PRKCQ: variants seen among roughly 807,000 people sequenced by gnomAD.
The protein encoded by PRKCQ is protein kinase C theta type.
Under a neutral mutation model 91.2 loss-of-function variants are expected in PRKCQ, and 41 were observed. The observed-to-expected ratio is 0.45, with a 90% CI of 0.35 to 0.58. The LOEUF is 0.58. Ranked by LOEUF, PRKCQ falls within the 20% of genes least tolerant of loss-of-function variation. The pLI is 0.00. For missense variants in PRKCQ, 673 were observed against 896.5 expected, an observed-to-expected ratio of 0.75 and a Z score of 3.18; for synonymous variants, 307 against 316.9, an observed-to-expected ratio of 0.97 and a Z score of 0.33.
chr10:6,485,416 A>C, intron 9 of PRKCQ, 147 bp from the exon 10 acceptor site: 1 of 683,954 alleles, frequency 1.5e-6, no homozygotes, highest in South Asian at 1.7e-5. Context: ...TTCTTTTGGA[A>C]CCCCATATTC....
rs1045202301 is a variant in PRKCQ, at chr10:6,498,395, C to T, written c.542+1G>A. The T allele has an allele frequency of 6.2e-7, 1 of 1,613,856 alleles. No homozygotes were observed. Among genetic ancestry groups the T allele is most frequent in the Non-Finnish European group, 8.5e-7 (1 of 1,179,994 alleles). ...TGGAGGGAGATGCCAAGTTACTGTA[C>T]CAGACAAACTCGTGGCAGACAGAGC... On this transcript the variant is annotated splice_donor_variant, in intron 5 of 17. Transcript: ENST00000263125. LOFTEE classifies it high-confidence loss of function.
intron 15 of PRKCQ, among the ~76,000 whole-genome samples, chr10:6,450,684 C>A (rs1239521680): frequency 6.6e-6 from 1 of 152,154 alleles, no homozygotes; most frequent in Non-Finnish European, 1.5e-5. Flanking sequence ...AAGTAAAGCT[C>A]TCCTCAGCAA....
intron 1 of PRKCQ, among the ~76,000 whole-genome samples, chr10:6,544,823 T>C (rs897343110): frequency 1.3e-5 from 2 of 152,106 alleles, no homozygotes; most frequent in Non-Finnish European, 2.9e-5. Flanking sequence ...TGTTTCACCA[T>C]ATTGGCCAGG....
At chr10:6,438,742 C>G (rs903785527) in intron 16 of PRKCQ, among the ~76,000 whole-genome samples, 1 of 152,138 alleles carries the variant, frequency 6.6e-6, no homozygotes, top group Admixed American at 6.6e-5. Flanking sequence ...ACCATAGGCG[C>G]CAGCCACCCT....
intron 7 of PRKCQ, among the ~76,000 whole-genome samples, chr10:6,495,211 A>G (rs1480082601): frequency 1.3e-5 from 2 of 152,180 alleles, no homozygotes; most frequent in East Asian, 1.9e-4. Context: ...TTTCTACTAC[A>G]GCATCCCAAA....
chr10:6,550,401 G>A (rs906152572), intron 1 of PRKCQ, among the ~76,000 whole-genome samples: 1 of 152,010 alleles, frequency 6.6e-6, no homozygotes, highest in African/African-American at 2.4e-5. Flanking sequence ...CGCCACCTGA[G>A]TAGCTGGGAT....
At chr10:6,548,379 C>T (rs958909644) in intron 1 of PRKCQ, among the ~76,000 whole-genome samples, 70 of 151,792 alleles carry the variant, frequency 4.6e-4, no homozygotes, top group African/African-American at 1.6e-3. Context: ...CATCCCATTA[C>T]TGGGTATATA....
chr10:6,417,014 C>G, the PRKCQ span, among the ~76,000 whole-genome samples: 2 of 152,148 alleles, frequency 1.3e-5, no homozygotes, highest in Admixed American at 6.6e-5. Context: ...GATAAATTCA[C>G]CATCCTAGAC....
At chr10:6,477,640 G>A (rs891870422) in intron 12 of PRKCQ, among the ~76,000 whole-genome samples, 5 of 152,202 alleles carry the variant, frequency 3.3e-5, no homozygotes, top group African/African-American at 1.2e-4. Context: ...GGCTGAGGGG[G>A]GTGGATCACC....
chr10:6,501,884 T>C (rs1197721755), intron 4 of PRKCQ, among the ~76,000 whole-genome samples: 2 of 151,976 alleles, frequency 1.3e-5, no homozygotes, highest in African/African-American at 4.8e-5. Flanking sequence ...CTACCACTTA[T>C]ATTGGAGGCA....
intron 13 of PRKCQ, among the ~76,000 whole-genome samples, chr10:6,463,569 TAAG>T (rs1835472342): frequency 6.6e-6 from 1 of 152,194 alleles, no homozygotes; most frequent in South Asian, 2.1e-4. Context: ...CCAGGGATTT[TAAG>T]AAGCTGGCGG....
At chr10:6,520,722 G>A (rs1044997746) in intron 1 of PRKCQ, among the ~76,000 whole-genome samples, 2 of 152,130 alleles carry the variant, frequency 1.3e-5, no homozygotes, top group Admixed American at 6.5e-5. Context: ...TTCTCTGAGT[G>A]CACTGCTAGA....
At chr10:6,404,246 A>G in the PRKCQ span, among the ~76,000 whole-genome samples, 55 of 8,780 alleles carry the variant, frequency 6.3e-3, 1 homozygote, top group African/African-American at 0.012. Flanking sequence ...AAAGGGAGAG[A>G]AGGGGGGGGG....
the PRKCQ span, among the ~76,000 whole-genome samples, chr10:6,409,858 G>A: frequency 6.6e-6 from 1 of 152,146 alleles, no homozygotes; most frequent in Non-Finnish European, 1.5e-5. Flanking sequence ...AAGTCTCTGT[G>A]TTCATGCAGT....
Position 6,483,550 on chromosome 10 carries a change from A to C in PRKCQ, c.1069T>G (p.Cys357Gly). 3 of 1,614,218 alleles carry C rather than the reference A, an allele frequency of 1.9e-6. No individual in the cohort carries two copies. Among genetic ancestry groups the C allele is most frequent in the Non-Finnish European group, 2.5e-6 (3 of 1,180,026 alleles). ...ESPLDEVDKM[C>G]HLPEPELNKE... is the part of the protein sequence containing the mutation. Reference sequence around the variant, plus strand: ...TTCAGTTCAGGTTCTGGAAGATGGCACATTTTATCCACCTCATCCAACGGA... The same window carrying C: ...TTCAGTTCAGGTTCTGGAAGATGGCCCATTTTATCCACCTCATCCAACGGA... The change falls in exon 11 of 18, where the codon TGC becomes GGC. Residue 357 changes from cysteine to glycine, a missense_variant. By Grantham distance (159) the Cys-to-Gly change is radical. Coordinates refer to ENST00000263125, the MANE Select transcript of PRKCQ (RefSeq NM_006257.5).
chr10:6,396,926 C>T, the PRKCQ span, among the ~76,000 whole-genome samples: 1 of 152,218 alleles, frequency 6.6e-6, no homozygotes, highest in Non-Finnish European at 1.5e-5. Flanking sequence ...AATTTCCCCA[C>T]ATCCTTGTCA....
At chr10:6,435,520 G>T (rs1018671306) in intron 16 of PRKCQ, among the ~76,000 whole-genome samples, 5 of 152,212 alleles carry the variant, frequency 3.3e-5, no homozygotes, top group Non-Finnish European at 7.3e-5. Flanking sequence ...CCAACTGCAA[G>T]AATATGTGTA....
At chr10:6,467,798 C>G (rs1835768124) in intron 12 of PRKCQ, among the ~76,000 whole-genome samples, 1 of 152,208 alleles carries the variant, frequency 6.6e-6, no homozygotes, top group Admixed American at 6.5e-5. Flanking sequence ...CCATTACCTA[C>G]AGCTTTGTTG....
At chr10:6,471,203 G>A (rs1460004278) in intron 12 of PRKCQ, among the ~76,000 whole-genome samples, 1 of 151,852 alleles carries the variant, frequency 6.6e-6, no homozygotes, top group Non-Finnish European at 1.5e-5. Flanking sequence ...CACTCTACGG[G>A]CAAATGAAAC....
Sources: allele counts gnomAD v4.1 joint callset (sites outside exome capture counted in the v4.1 genomes callset), GRCh38; gene constraint gnomAD v4.1.1; transcripts MANE v1.5; gene names NCBI Gene and HGNC (gene_info 2026-07-23, HGNC 2026-07-21).